MGAT4C: variants seen among roughly 807,000 people sequenced by gnomAD.
The protein encoded by MGAT4C is MGAT4 family member C.
In MGAT4C, 19 loss-of-function variants were observed where a neutral mutation model predicts 40.1. That is an observed-to-expected ratio of 0.47 (90% CI 0.33 to 0.70). The LOEUF (loss-of-function observed/expected upper bound fraction) is 0.70. Among genes scored for constraint, MGAT4C ranks in the 30% least tolerant of loss-of-function variants. The pLI is 0.02. For synonymous variants in MGAT4C, 181 were observed against 187.1 expected (o/e 0.97, Z 0.27); for missense variants, 491 against 563.2 (o/e 0.87, Z 1.30).
rs1386103596 is a variant in MGAT4C, at chr12:86,344,367, G to A, written c.-119-10240C>T. Among the ~76,000 whole-genome samples, 23 of 152,132 alleles carry A rather than the reference G, an allele frequency of 1.5e-4. 1 individual carries two copies. Among genetic ancestry groups the A allele is most frequent in the Admixed American group, 1.3e-3 (20 of 15,270 alleles). ...TTGCTTTTAATTGATTAGGTAAGGC[G>A]CTGAAGAACTAAATAGACTACTCTT... On this transcript the variant is annotated intron_variant, in intron 3 of 7. Transcript: ENST00000548651.
intron 2 of MGAT4C, among the ~76,000 whole-genome samples, chr12:86,525,087 G>A (rs1209284393): frequency 6.6e-6 from 1 of 152,040 alleles, no homozygotes; most frequent in Non-Finnish European, 1.5e-5. Flanking sequence ...AATATGGTTT[G>A]GCTCTGTGGA....
upstream of MGAT4C, among the ~76,000 whole-genome samples, chr12:86,257,201 T>C (rs549366564): frequency 6.6e-6 from 1 of 152,298 alleles, no homozygotes; most frequent in East Asian, 1.9e-4. Flanking sequence ...TCTTACCTTC[T>C]ATCTTGACAA....
intron 2 of MGAT4C, among the ~76,000 whole-genome samples, chr12:86,651,141 T>C (rs1436993946): frequency 1.3e-5 from 2 of 151,940 alleles, no homozygotes; most frequent in South Asian, 2.1e-4. Flanking sequence ...ATACGTTAAA[T>C]GGTAATATAT....
upstream of MGAT4C, among the ~76,000 whole-genome samples, chr12:86,259,603 G>T: frequency 6.7e-6 from 1 of 150,076 alleles, no homozygotes; most frequent in African/African-American, 2.5e-5. Flanking sequence ...CTGCATTTGA[G>T]AATGAATTTA....
At chr12:86,152,431 C>A (rs1884407083) in intron 1 of MGAT4C, among the ~76,000 whole-genome samples, 3 of 152,142 alleles carry the variant, frequency 2.0e-5, no homozygotes, top group African/African-American at 7.2e-5. Flanking sequence ...CTCCCTCTAG[C>A]CTTTCTATAA....
At chr12:86,178,227 C>T (rs967113006) in intron 1 of MGAT4C, among the ~76,000 whole-genome samples, 5 of 152,148 alleles carry the variant, frequency 3.3e-5, no homozygotes, top group Admixed American at 1.3e-4. Context: ...TGAGCTACTG[C>T]GCCTGGCTGA....
At chr12:86,351,421 A>G (rs1955159033) in intron 3 of MGAT4C, among the ~76,000 whole-genome samples, 1 of 152,052 alleles carries the variant, frequency 6.6e-6, no homozygotes, top group South Asian at 2.1e-4. Context: ...ACTTGCCTAA[A>G]GTAGAACTAA....
chr12:86,191,412 C>A (rs909560170), intron 1 of MGAT4C, among the ~76,000 whole-genome samples: 5 of 151,676 alleles, frequency 3.3e-5, no homozygotes, highest in African/African-American at 7.3e-5. Context: ...GAAAATATCT[C>A]CTAATCAAAT....
chr12:86,433,295 T>C (rs1957075712), intron 3 of MGAT4C, among the ~76,000 whole-genome samples: 1 of 151,130 alleles, frequency 6.6e-6, no homozygotes, highest in African/African-American at 2.4e-5. Context: ...ATGATATACA[T>C]ATATATGTAT....
chr12:86,137,587 C>A (rs1882150464), intron 1 of MGAT4C, among the ~76,000 whole-genome samples: 1 of 152,178 alleles, frequency 6.6e-6, no homozygotes, highest in Admixed American at 6.5e-5. Context: ...TCTTTACTCA[C>A]CTTATACGCT....
chr12:86,690,563 G>A (rs1203135003), intron 2 of MGAT4C, among the ~76,000 whole-genome samples: 3 of 152,140 alleles, frequency 2.0e-5, no homozygotes, highest in Non-Finnish European at 2.9e-5. Context: ...TTGGCTAGGG[G>A]AGGGAGTTCC....
chr12:86,200,132 T>TG lies in MGAT4C; in HGVS notation c.-57+56106_-57+56107insC, dbSNP rs1200630326. 9.4e-5 allele frequency among the ~76,000 whole-genome samples: 8 copies of TG among 84,750 alleles called. No individual in the cohort carries two copies. The East Asian group carries it at 2.1e-3, about 23-fold the overall frequency. The allele number at this position is 84,750 out of a possible 152,430, so 55.6% of individuals were successfully genotyped here. A position where few individuals can be genotyped will look rare whatever the true frequency, so the allele number is the denominator to read the frequency against. On this transcript the variant is annotated intron_variant, in intron 1 of 4. Transcript: ENST00000611864. ...GGCACAAATAGTATGTATTTGTTTT[T>TG]TTTTTTTTTTTTTTTGATCTGGCTT...
chr12:86,465,956 C>T (rs1957675093), intron 2 of MGAT4C, among the ~76,000 whole-genome samples: 1 of 152,060 alleles, frequency 6.6e-6, no homozygotes. Flanking sequence ...TGCTTGTAAT[C>T]CCAGCTCTTT....
At chr12:86,519,330 T>C (rs902149644) in intron 2 of MGAT4C, among the ~76,000 whole-genome samples, 44 of 152,216 alleles carry the variant, frequency 2.9e-4, no homozygotes, top group African/African-American at 8.9e-4. Flanking sequence ...GTTGATTCCA[T>C]ATTTTGGCTA....
At chr12:86,816,096 T>C (rs1051676824) in intron 1 of MGAT4C, among the ~76,000 whole-genome samples, 2 of 151,954 alleles carry the variant, frequency 1.3e-5, no homozygotes, top group African/African-American at 2.4e-5. Flanking sequence ...AGATTTTGAG[T>C]AGAAAATTTG....
At chr12:86,100,331 AT>A in intron 1 of MGAT4C, among the ~76,000 whole-genome samples, 1 of 151,418 alleles carries the variant, frequency 6.6e-6, no homozygotes, top group Non-Finnish European at 1.5e-5. Context: ...GTAGTAACTT[AT>A]TTTATTTGGA....
chr12:86,759,317 G>T (rs974268030), intron 1 of MGAT4C, among the ~76,000 whole-genome samples: 2 of 151,874 alleles, frequency 1.3e-5, no homozygotes, highest in Admixed American at 1.3e-4. Flanking sequence ...TTTCCTATTT[G>T]GCTGTTGTGA....
At chr12:86,059,964 A>G (rs1332733622) in intron 1 of MGAT4C, among the ~76,000 whole-genome samples, 1 of 152,362 alleles carries the variant, frequency 6.6e-6, no homozygotes, top group Non-Finnish European at 1.5e-5. Flanking sequence ...AGGCAGAAAG[A>G]TTAAGAAAAG....
chr12:86,196,233 T>C (rs919220237), intron 1 of MGAT4C, among the ~76,000 whole-genome samples: 9 of 152,218 alleles, frequency 5.9e-5, no homozygotes, highest in Non-Finnish European at 1.2e-4. Flanking sequence ...CTCTTGTCTC[T>C]TTACCAACTA....
Sources: allele counts gnomAD v4.1 joint callset (sites outside exome capture counted in the v4.1 genomes callset), GRCh38; gene constraint gnomAD v4.1.1; transcripts MANE v1.5; gene names NCBI Gene and HGNC (gene_info 2026-07-23, HGNC 2026-07-21).